ZNF385D: variants seen among roughly 807,000 people sequenced by gnomAD.
ZNF385D encodes the protein zinc finger protein 385D.
Under a neutral mutation model 35.8 loss-of-function variants are expected in ZNF385D, and 15 were observed. The ratio of observed to expected loss-of-function variants is 0.42; its 90% CI spans 0.28 to 0.64. The LOEUF is 0.64. Ranked by LOEUF, ZNF385D falls within the 30% of genes least tolerant of loss-of-function variation. ZNF385D has a pLI of 0.23. For missense variants in ZNF385D, 474 were observed against 494.6 expected (o/e 0.96, Z 0.39); for synonymous variants, 212 against 186.8 (o/e 1.13, Z -1.10).
chr3:21,478,843 C>A (rs1292881712), intron 4 of ZNF385D, among the ~76,000 whole-genome samples: 1 of 151,978 alleles, frequency 6.6e-6, no homozygotes, highest in African/African-American at 2.4e-5. Flanking sequence ...AGAAAGATAA[C>A]TTATTTTTTC....
At position 22,187,194 on chromosome 3, in the gene ZNF385D, T is replaced by C. The variant is rs115612581; in HGVS notation, c.107-18159A>G. On this transcript the variant is annotated intron_variant, in intron 2 of 5. Coordinates refer to the ZNF385D transcript ENST00000494108. ...AATATTTCTTTGTTTCTTTGTTCAG[T>C]ACCTTTTTCTAGCATCAGCTTTTAA... Among the ~76,000 whole-genome samples, 799 of 152,332 alleles carry C rather than the reference T, an allele frequency of 5.2e-3. 6 individuals carry two copies. Among genetic ancestry groups the C allele is most frequent in the African/African-American group, 0.018 (751 of 41,580 alleles).
intron 2 of ZNF385D, among the ~76,000 whole-genome samples, chr3:22,229,649 G>C (rs1032182318): frequency 1.3e-5 from 2 of 151,588 alleles, no homozygotes; most frequent in Admixed American, 6.6e-5. Flanking sequence ...CAACTCCCTT[G>C]CTCAAGCCAC....
intron 2 of ZNF385D, among the ~76,000 whole-genome samples, chr3:22,285,251 G>A (rs1331150820): frequency 6.6e-6 from 1 of 152,114 alleles, no homozygotes; most frequent in Non-Finnish European, 1.5e-5. Flanking sequence ...GGTGATAAGA[G>A]GCTCATCTGC....
chr3:21,951,090 A>G (rs960253136), intron 3 of ZNF385D, among the ~76,000 whole-genome samples: 7 of 151,574 alleles, frequency 4.6e-5, no homozygotes, highest in Non-Finnish European at 7.4e-5. Context: ...AAGAAAGTCA[A>G]TGGTAGCTTG....
chr3:21,786,556 T>C (rs947303581), intron 3 of ZNF385D, among the ~76,000 whole-genome samples: 2 of 152,190 alleles, frequency 1.3e-5, no homozygotes, highest in African/African-American at 4.8e-5. Context: ...TCTTAGTACA[T>C]TATCTTTGAA....
At chr3:22,330,637 T>C (rs1201246625) in intron 2 of ZNF385D, among the ~76,000 whole-genome samples, 1 of 152,188 alleles carries the variant, frequency 6.6e-6, no homozygotes. Flanking sequence ...CTTCCCACTT[T>C]CCATCTCACT....
At chr3:22,286,770 G>A (rs960187975) in intron 2 of ZNF385D, among the ~76,000 whole-genome samples, 3 of 152,052 alleles carry the variant, frequency 2.0e-5, no homozygotes, top group Non-Finnish European at 4.4e-5. Context: ...AAAGAAATAT[G>A]TTGAGACTTG....
chr3:21,705,772 G>T (rs908282038), intron 1 of ZNF385D, among the ~76,000 whole-genome samples: 1 of 152,092 alleles, frequency 6.6e-6, no homozygotes, highest in Non-Finnish European at 1.5e-5. Flanking sequence ...CCTCTCCTTT[G>T]GTTCAGACTG....
intron 2 of ZNF385D, among the ~76,000 whole-genome samples, chr3:21,602,512 A>ATT (rs199882061): frequency 1.4e-4 from 13 of 90,196 alleles, no homozygotes; most frequent in African/African-American, 3.5e-4. Context: ...GTTTCCCTGC[A>ATT]TTTTCTTTTT....
chr3:21,785,092 G>A (rs1231246844), intron 3 of ZNF385D, among the ~76,000 whole-genome samples: 1 of 152,060 alleles, frequency 6.6e-6, no homozygotes, highest in Non-Finnish European at 1.5e-5. Context: ...CTGGTTCCCT[G>A]CACTGACCGG....
intron 3 of ZNF385D, among the ~76,000 whole-genome samples, chr3:21,871,369 T>C (rs1028722800): frequency 6.6e-6 from 1 of 152,156 alleles, no homozygotes; most frequent in Non-Finnish European, 1.5e-5. Flanking sequence ...TTCTTTACTA[T>C]AGCACTTGCA....
At chr3:22,184,803 A>T (rs1354234561) in intron 2 of ZNF385D, among the ~76,000 whole-genome samples, 1 of 152,188 alleles carries the variant, frequency 6.6e-6, no homozygotes, top group Admixed American at 6.6e-5. Context: ...ACTACGTCTC[A>T]AACAAAACAA....
At chr3:21,998,776 A>T (rs1398346747) in intron 3 of ZNF385D, among the ~76,000 whole-genome samples, 1 of 152,232 alleles carries the variant, frequency 6.6e-6, no homozygotes, top group Non-Finnish European at 1.5e-5. Context: ...GTTATTTAAA[A>T]TTATCATTCT....
intron 3 of ZNF385D, among the ~76,000 whole-genome samples, chr3:22,164,216 C>CTTTTTTTTTGTTTTTTT (rs1706158365): frequency 1.3e-5 from 1 of 74,912 alleles, no homozygotes; most frequent in Non-Finnish European, 2.5e-5. Context: ...AAAAGGAGCA[C>CTTTTTTTTTGTTTTTTT]TTTTTTTTTT....
intron 3 of ZNF385D, among the ~76,000 whole-genome samples, chr3:21,951,454 G>A (rs927726045): frequency 2.6e-5 from 4 of 151,514 alleles, no homozygotes; most frequent in Non-Finnish European, 5.9e-5. Flanking sequence ...GGGCTGAGAC[G>A]ATCGGGTATT....
Position 21,483,504 on chromosome 3 carries a change from C to T in ZNF385D, c.439+27357G>A, listed in dbSNP as rs751545619. Among the ~76,000 whole-genome samples the T allele has an allele frequency of 5.3e-5, 8 of 152,242 alleles. No individual in the cohort carries two copies. The East Asian group carries it at 1.2e-3, about 22-fold the overall frequency. ...TATGGCAAGTATATGTTTACTTTTA[C>T]AAGAAAATGCCAAATTCTTTCTCAC... On this transcript the variant is annotated intron_variant, in intron 4 of 7. Transcript: ENST00000281523.
chr3:22,108,001 C>T (rs1341981327), intron 3 of ZNF385D, among the ~76,000 whole-genome samples: 1 of 151,684 alleles, frequency 6.6e-6, no homozygotes, highest in Non-Finnish European at 1.5e-5. Context: ...TCCTGCCCTT[C>T]TGCCTTATAC....
intron 3 of ZNF385D, among the ~76,000 whole-genome samples, chr3:22,024,572 A>G (rs1213701369): frequency 6.6e-6 from 1 of 152,150 alleles, no homozygotes; most frequent in Non-Finnish European, 1.5e-5. Flanking sequence ...TGTTAATAGT[A>G]TGGAGAACAT....
chr3:22,233,384 T>C (rs914526585), intron 2 of ZNF385D, among the ~76,000 whole-genome samples: 23 of 152,092 alleles, frequency 1.5e-4, no homozygotes, highest in Admixed American at 6.6e-4. Flanking sequence ...CAATCTGTAA[T>C]GAAAGAAAGC....
Sources: allele counts gnomAD v4.1 joint callset (sites outside exome capture counted in the v4.1 genomes callset), GRCh38; gene constraint gnomAD v4.1.1; transcripts MANE v1.5; gene names NCBI Gene and HGNC (gene_info 2026-07-23, HGNC 2026-07-21).